DIAPH2: variants seen among roughly 807,000 people sequenced by gnomAD.
The protein encoded by DIAPH2 is protein diaphanous homolog 2.
In DIAPH2, 35 loss-of-function variants were observed where a neutral mutation model predicts 92.7. The ratio of observed to expected loss-of-function variants is 0.38; its 90% CI spans 0.29 to 0.50. DIAPH2 has a LOEUF of 0.50. Ranked by LOEUF, DIAPH2 falls within the 20% of genes least tolerant of loss-of-function variation. The probability of loss-of-function intolerance (pLI) is 0.94; values close to 1 mark genes in which losing one functional copy is unlikely to be tolerated. For missense variants in DIAPH2, 701 were observed against 819.5 expected, an observed-to-expected ratio of 0.86 and a Z score of 1.77; for synonymous variants, 301 against 280.4, an observed-to-expected ratio of 1.07 and a Z score of -0.73.
chrX:97,373,355 G>T (rs948294177), intron 24 of DIAPH2, among the ~76,000 whole-genome samples: 1 of 109,648 alleles, frequency 9.1e-6, no homozygotes, highest in African/African-American at 3.3e-5. Flanking sequence ...GTGTAGAGAC[G>T]TTCTCGGTAA....
chrX:96,903,607 T>C (rs1602615663), intron 5 of DIAPH2, among the ~76,000 whole-genome samples: 1 of 111,674 alleles, frequency 9.0e-6, no homozygotes, highest in South Asian at 3.8e-4. Flanking sequence ...AGCTTTTACT[T>C]GAATATTTGG....
At chrX:97,540,170 A>G (rs529350944) in intron 26 of DIAPH2, among the ~76,000 whole-genome samples, 1 of 112,171 alleles carries the variant, frequency 8.9e-6, no homozygotes, top group African/African-American at 3.2e-5. Context: ...TTTGCCCAAA[A>G]TTGCTCAATT....
At chrX:97,174,720 G>A (rs766350784) in intron 22 of DIAPH2, among the ~76,000 whole-genome samples, 87 of 111,986 alleles carry the variant, frequency 7.8e-4, no homozygotes, top group Non-Finnish European at 1.3e-3. Context: ...GTTTAAAAGA[G>A]CTATTAATAA....
At chrX:96,762,563 C>T (rs2064275619) in intron 4 of DIAPH2, among the ~76,000 whole-genome samples, 1 of 110,908 alleles carries the variant, frequency 9.0e-6, no homozygotes, top group African/African-American at 3.3e-5. Flanking sequence ...CTAAAGTTTA[C>T]TTCTGAACTT....
intron 25 of DIAPH2, among the ~76,000 whole-genome samples, chrX:97,406,530 A>AT (rs1019875045): frequency 8.0e-5 from 9 of 111,808 alleles, no homozygotes; most frequent in African/African-American, 2.9e-4. Flanking sequence ...ATCATGGTAC[A>AT]TTTTTTTACT....
chrX:97,223,471 A>G (rs1205696974), intron 22 of DIAPH2, among the ~76,000 whole-genome samples: 4 of 111,532 alleles, frequency 3.6e-5, no homozygotes, highest in African/African-American at 1.3e-4. Flanking sequence ...ATCATTCTAT[A>G]CCATTTAAAT....
intron 17 of DIAPH2, among the ~76,000 whole-genome samples, chrX:97,025,639 A>G (rs187573357): frequency 6.3e-4 from 70 of 110,881 alleles, no homozygotes; most frequent in African/African-American, 2.2e-3. Flanking sequence ...GCGACAGAGC[A>G]AGACTCCGTC....
At chrX:97,018,200 C>T (rs2066273340) in intron 17 of DIAPH2, among the ~76,000 whole-genome samples, 1 of 112,196 alleles carries the variant, frequency 8.9e-6, no homozygotes, top group Admixed American at 9.5e-5. Context: ...TAAAGTGCAG[C>T]TGTCTTGTCA....
At chrX:96,950,777 G>T (rs1166298872) in intron 15 of DIAPH2, among the ~76,000 whole-genome samples, 1 of 111,385 alleles carries the variant, frequency 9.0e-6, no homozygotes, top group Non-Finnish European at 1.9e-5. Context: ...TCCTTACCAG[G>T]AATGTTAAGA....
chrX:96,709,485 C>T (rs1391912884), intron 1 of DIAPH2, among the ~76,000 whole-genome samples: 1 of 111,681 alleles, frequency 9.0e-6, no homozygotes, highest in Non-Finnish European at 1.9e-5. Context: ...GCAGGTGTCT[C>T]CAGTTTCTAT....
Position 96,836,754 on chromosome X carries a change from G to T in DIAPH2, c.448-44825G>T, listed in dbSNP as rs1237057575. Among the ~76,000 whole-genome samples, 134 of 62,070 alleles carry T rather than the reference G, an allele frequency of 2.2e-3. 1 individual carries two copies. The highest frequency in any genetic ancestry group is 9.6e-3 in the African/African-American group (132 of 13,759). The allele number at this position is 62,070 out of a possible 115,157, so 53.9% of individuals were successfully genotyped here. Reference sequence around the variant, plus strand: ...TTTTTTTTTTTTTTTTTGAGACGGAGTCTCGCTCTGTCGCCCAGGCTGGAG... The same window carrying T: ...TTTTTTTTTTTTTTTTTGAGACGGATTCTCGCTCTGTCGCCCAGGCTGGAG... On this transcript the variant is annotated intron_variant, in intron 4 of 26. Transcript: ENST00000324765.
chrX:97,240,170 A>G lies in DIAPH2; in HGVS notation c.2720-7545A>G, dbSNP rs1347583797. 4.5e-5 allele frequency among the ~76,000 whole-genome samples: 5 copies of G among 111,444 alleles called. No individual in the cohort carries two copies. In the Admixed American group the frequency reaches 4.8e-4, roughly 11 times the overall value. ...TGCATGGGTTTTAATTTCCAGAAATATTATTTAAATTTGGAACTTGCTAAT... is the reference window on the plus strand; with the variant it reads ...TGCATGGGTTTTAATTTCCAGAAATGTTATTTAAATTTGGAACTTGCTAAT... On this transcript the variant is annotated intron_variant, in intron 22 of 26. Transcript: ENST00000324765.
intron 10 of DIAPH2, among the ~76,000 whole-genome samples, chrX:96,932,252 A>G (rs2065624142): frequency 9.0e-6 from 1 of 110,860 alleles, no homozygotes; most frequent in African/African-American, 3.3e-5. Context: ...GTTTATTAAT[A>G]TGCCATGTTT....
At chrX:97,226,626 C>T (rs989340755) in intron 22 of DIAPH2, among the ~76,000 whole-genome samples, 4 of 111,337 alleles carry the variant, frequency 3.6e-5, no homozygotes, top group Non-Finnish European at 7.5e-5. Context: ...CCACCCGCCT[C>T]GGCCTCCCAC....
Position 97,157,337 on chromosome X carries a change from A to T in DIAPH2, c.2719+15543A>T, listed in dbSNP as rs1224654047. Among the ~76,000 whole-genome samples, 215 of 43,652 alleles carry T rather than the reference A, an allele frequency of 4.9e-3. 2 individuals are homozygous for T. The highest frequency in any genetic ancestry group is 8.9e-3 in the African/African-American group (208 of 23,370). The allele number at this position is 43,652 out of a possible 115,157, so 37.9% of individuals were successfully genotyped here. ...CTCAAAATAATAATAATAATAATATAATAATAATAATAATAATGATTATAA... is the reference window on the plus strand; with the variant it reads ...CTCAAAATAATAATAATAATAATATTATAATAATAATAATAATGATTATAA... On this transcript the variant is annotated intron_variant, in intron 22 of 26. Coordinates refer to ENST00000324765, the MANE Select transcript of DIAPH2 (RefSeq NM_006729.5).
chrX:97,074,297 T>C (rs2066690024), intron 18 of DIAPH2, among the ~76,000 whole-genome samples: 1 of 111,057 alleles, frequency 9.0e-6, no homozygotes, highest in Admixed American at 9.6e-5. Flanking sequence ...TCCCAGCTAC[T>C]TGGGAGGCTG....
At chrX:97,496,216 C>T (rs1181577096) in intron 26 of DIAPH2, among the ~76,000 whole-genome samples, 1 of 76,632 alleles carries the variant, frequency 1.3e-5, no homozygotes, top group African/African-American at 5.3e-5. Context: ...GCTCTCGTTG[C>T]CCAGGCTGGA....
At chrX:96,972,920 G>A (rs1209434272) in intron 17 of DIAPH2, among the ~76,000 whole-genome samples, 1 of 111,874 alleles carries the variant, frequency 8.9e-6, no homozygotes, top group Non-Finnish European at 1.9e-5. Flanking sequence ...CAGGATTTCA[G>A]TGTGAGCATC....
In DIAPH2 at chrX:96,813,097, A is replaced by G. The variant is rs2064699163; in HGVS notation, c.447+54839A>G. ...TCCTTGTTAACCTGCTGTCTCATTG[A>G]TCTGTCTAATGTTGACAGGGGGGTG... On this transcript the variant is annotated intron_variant, in intron 4 of 26. Transcript: ENST00000324765. 3.6e-5 allele frequency among the ~76,000 whole-genome samples: 4 copies of G among 111,423 alleles called. 1 individual carries two copies. In the South Asian group the frequency reaches 1.5e-3, roughly 42 times the overall value.
Sources: gnomAD v4.1 joint callset for allele counts (sites outside exome capture counted in the v4.1 genomes callset) on GRCh38, gnomAD v4.1.1 for gene constraint, MANE v1.5 for transcripts, NCBI Gene and HGNC (gene_info 2026-07-23, HGNC 2026-07-21) for gene names.